Variants in KCNB2 observed in about 807,000 individuals in gnomAD.
The protein encoded by KCNB2 is delayed rectifier potassium channel protein.
In KCNB2, 15 loss-of-function variants were observed where a neutral mutation model predicts 61.5. That is an observed-to-expected ratio of 0.24 (90% CI 0.16 to 0.38). KCNB2 has a LOEUF of 0.38. Ranked by LOEUF, KCNB2 falls within the 10% of genes least tolerant of loss-of-function variation. KCNB2 has a pLI of 1.00. For missense variants in KCNB2, 828 were observed against 1,125.2 expected, an observed-to-expected ratio of 0.74 and a Z score of 3.78; for synonymous variants, 457 against 446.0, an observed-to-expected ratio of 1.02 and a Z score of -0.31.
At chr8:72,874,881 C>T (rs944526555) in intron 2 of KCNB2, 1 of 152,210 alleles carries the variant, frequency 6.6e-6, no homozygotes, top group African/African-American at 2.4e-5. Flanking sequence ...GCATCCTCAC[C>T]CTCTCTTTCA....
chr8:72,833,315 G>A (rs1809728721), intron 2 of KCNB2, among the ~76,000 whole-genome samples: 1 of 152,164 alleles, frequency 6.6e-6, no homozygotes. Context: ...TCAAGGCTGG[G>A]AGTAGGGAAA....
At chr8:72,864,762 T>C (rs1432419024) in intron 2 of KCNB2, among the ~76,000 whole-genome samples, 1 of 152,230 alleles carries the variant, frequency 6.6e-6, no homozygotes, top group Admixed American at 6.5e-5. Context: ...CCTCTTTCCT[T>C]GCACGGCTTG....
chr8:72,794,793 CATTATGTAGAAACT>C (rs1809003626), intron 2 of KCNB2, among the ~76,000 whole-genome samples: 1 of 152,132 alleles, frequency 6.6e-6, no homozygotes, highest in Admixed American at 6.5e-5. Flanking sequence ...TAGAAGCCCC[CATTATGTAGAAACT>C]ATTCAGAGTC....
chr8:72,779,054 C>T (rs1585888707), intron 2 of KCNB2, among the ~76,000 whole-genome samples: 1 of 152,180 alleles, frequency 6.6e-6, no homozygotes, highest in East Asian at 1.9e-4. Flanking sequence ...TCCCTGTGCC[C>T]CAGTCACAGC....
intron 2 of KCNB2, among the ~76,000 whole-genome samples, chr8:72,790,199 C>A (rs767300103): frequency 1.3e-5 from 2 of 152,034 alleles, no homozygotes; most frequent in Non-Finnish European, 2.9e-5. Flanking sequence ...GATTTGGAAC[C>A]AATTATCCAT....
chr8:72,557,007 G>A (rs1176160599), intron 1 of KCNB2, among the ~76,000 whole-genome samples: 1 of 152,076 alleles, frequency 6.6e-6, no homozygotes, highest in Non-Finnish European at 1.5e-5. Flanking sequence ...GCAGCTGTCT[G>A]GGGCCTGTTC....
In KCNB2 at chr8:72,735,997, A is replaced by G. The variant is rs149257064; in HGVS notation, c.579+167684A>G. On this transcript the variant is annotated intron_variant, in intron 2 of 2. Transcript: ENST00000523207. ...AATACGGTATGGAAACAATTTCCAT[A>G]TATTTTTGCAGGCCCACAAGATTTT... Among the ~76,000 whole-genome samples the G allele has an allele frequency of 2.3e-3, 345 of 152,302 alleles. 1 individual carries two copies. Among genetic ancestry groups the G allele is most frequent in the Non-Finnish European group, 4.3e-3 (293 of 68,022 alleles).
chr8:72,857,247 G>A (rs1055821233), intron 2 of KCNB2, among the ~76,000 whole-genome samples: 6 of 152,156 alleles, frequency 3.9e-5, no homozygotes, highest in Non-Finnish European at 7.3e-5. Flanking sequence ...GCAGGATGGA[G>A]CCTGGACCAG....
intron 2 of KCNB2, among the ~76,000 whole-genome samples, chr8:72,690,433 G>C (rs1032659069): frequency 2.6e-5 from 4 of 152,134 alleles, no homozygotes; most frequent in African/African-American, 9.7e-5. Flanking sequence ...CCCTCCTTTA[G>C]GGAAATAAAG....
At chr8:72,856,895 A>G (rs1383316926) in intron 2 of KCNB2, among the ~76,000 whole-genome samples, 1 of 152,200 alleles carries the variant, frequency 6.6e-6, no homozygotes, top group Non-Finnish European at 1.5e-5. Context: ...TCACAGAGTG[A>G]GTGAGAATCA....
At chr8:72,754,834 T>C (rs1808257658) in intron 2 of KCNB2, among the ~76,000 whole-genome samples, 1 of 152,096 alleles carries the variant, frequency 6.6e-6, no homozygotes, top group South Asian at 2.1e-4. Context: ...ATGAAATTTA[T>C]ATAAGTCCGC....
chr8:72,578,112 A>C (rs1342754454), intron 2 of KCNB2, among the ~76,000 whole-genome samples: 1 of 152,210 alleles, frequency 6.6e-6, no homozygotes, highest in African/African-American at 2.4e-5. Context: ...TTAAAAAATA[A>C]ATCAATGACA....
chr8:72,581,319 A>C (rs1485866040), intron 2 of KCNB2, among the ~76,000 whole-genome samples: 1 of 151,906 alleles, frequency 6.6e-6, no homozygotes, highest in African/African-American at 2.4e-5. Flanking sequence ...TCTCTCTCTA[A>C]CCTGTTTTCC....
chr8:72,647,612 T>TG (rs556755443), intron 2 of KCNB2, among the ~76,000 whole-genome samples: 53 of 152,074 alleles, frequency 3.5e-4, no homozygotes, highest in Admixed American at 2.4e-3. Flanking sequence ...CCACTGACAG[T>TG]GGGGGGCAGA....
intron 2 of KCNB2, among the ~76,000 whole-genome samples, chr8:72,805,539 T>G (rs1398940521): frequency 6.6e-6 from 1 of 152,210 alleles, no homozygotes; most frequent in Non-Finnish European, 1.5e-5. Context: ...TCTCAAAGAT[T>G]ATTCCTGCTG....
chr8:72,694,457 C>T (rs995323139), intron 2 of KCNB2, among the ~76,000 whole-genome samples: 4 of 152,048 alleles, frequency 2.6e-5, no homozygotes, highest in South Asian at 4.1e-4. Context: ...ATTCTAAAGA[C>T]CAAAAATAAA....
intron 2 of KCNB2, among the ~76,000 whole-genome samples, chr8:72,615,434 A>G (rs999318561): frequency 6.6e-6 from 1 of 152,212 alleles, no homozygotes; most frequent in Non-Finnish European, 1.5e-5. Context: ...CAGTTGTACG[A>G]GAATTCCCTA....
At chr8:72,554,309 A>G (rs756689548) in intron 1 of KCNB2, among the ~76,000 whole-genome samples, 4 of 152,120 alleles carry the variant, frequency 2.6e-5, no homozygotes, top group Non-Finnish European at 5.9e-5. Context: ...AGGAGACAGA[A>G]TGAGAGGAAT....
chr8:72,779,215 G>A (rs1339164792), intron 2 of KCNB2, among the ~76,000 whole-genome samples: 2 of 152,174 alleles, frequency 1.3e-5, no homozygotes, highest in Admixed American at 6.5e-5. Context: ...AGCCTGCAAA[G>A]CCAAAGGATA....
Sources: gnomAD v4.1 joint callset for allele counts (sites outside exome capture counted in the v4.1 genomes callset) on GRCh38, gnomAD v4.1.1 for gene constraint, MANE v1.5 for transcripts, NCBI Gene and HGNC (gene_info 2026-07-23, HGNC 2026-07-21) for gene names.